The following CNTN5 variants were observed in gnomAD, a reference collection of about 807,000 sequenced individuals.
CNTN5 encodes the protein contactin-5.
A neutral mutation model predicts 129.1 loss-of-function variants in CNTN5; 77 were observed. The ratio of observed to expected loss-of-function variants is 0.60; its 90% CI spans 0.50 to 0.72. The LOEUF is 0.72. Among genes scored for constraint, CNTN5 ranks in the 30% least tolerant of loss-of-function variants. CNTN5 has a pLI of 0.00. For missense variants in CNTN5, 1,478 were observed against 1,328.8 expected (o/e 1.11, Z -1.75); for synonymous variants, 509 against 465.6 (o/e 1.09, Z -1.20).
chr11:99,809,344 T>A (rs565833732), intron 3 of CNTN5, among the ~76,000 whole-genome samples: 1 of 152,256 alleles, frequency 6.6e-6, no homozygotes, highest in African/African-American at 2.4e-5. Context: ...TGAGGTTTAT[T>A]TTTTTTCTCT....
intron 6 of CNTN5, among the ~76,000 whole-genome samples, chr11:99,893,118 C>T (rs1225310867): frequency 6.6e-6 from 1 of 152,034 alleles, no homozygotes; most frequent in Non-Finnish European, 1.5e-5. Context: ...TTAACCACTC[C>T]ACAGGAATTT....
chr11:99,375,032 A>C (rs552347582), intron 2 of CNTN5, among the ~76,000 whole-genome samples: 5 of 152,208 alleles, frequency 3.3e-5, no homozygotes, highest in Non-Finnish European at 5.9e-5. Context: ...GCCGGGCGTG[A>C]TGGTTCACGC....
intron 7 of CNTN5, among the ~76,000 whole-genome samples, chr11:99,931,322 C>A (rs1390108596): frequency 6.6e-6 from 1 of 152,084 alleles, no homozygotes; most frequent in Non-Finnish European, 1.5e-5. Context: ...ACAAAACTTA[C>A]ACATGGAAAA....
chr11:100,044,170 GTATA>G (rs3061791), intron 9 of CNTN5, among the ~76,000 whole-genome samples: 2 of 150,056 alleles, frequency 1.3e-5, no homozygotes, highest in Admixed American at 6.6e-5. Flanking sequence ...TACATATCAT[GTATA>G]TATATATATA....
intron 2 of CNTN5, among the ~76,000 whole-genome samples, chr11:99,512,999 G>A (rs1244620313): frequency 2.6e-5 from 4 of 152,144 alleles, no homozygotes; most frequent in Non-Finnish European, 2.9e-5. Context: ...CAAGAGTGAG[G>A]CCTCTTATGC....
intron 6 of CNTN5, among the ~76,000 whole-genome samples, chr11:99,913,129 A>T (rs1949704633): frequency 6.6e-6 from 1 of 152,028 alleles, no homozygotes; most frequent in Non-Finnish European, 1.5e-5. Flanking sequence ...CTGCACATAC[A>T]TCCACCGAAG....
At chr11:99,510,187 AC>A (rs1463468628) in intron 2 of CNTN5, among the ~76,000 whole-genome samples, 1 of 152,074 alleles carries the variant, frequency 6.6e-6, no homozygotes, top group Non-Finnish European at 1.5e-5. Context: ...TACAGAAAGA[AC>A]AAAATGGGGC....
chr11:99,804,669 G>T (rs1329238289), intron 3 of CNTN5, among the ~76,000 whole-genome samples: 1 of 150,852 alleles, frequency 6.6e-6, no homozygotes, highest in African/African-American at 2.4e-5. Context: ...TAGCTAATAT[G>T]GCAGAAACTC....
chr11:99,173,907 G>T (rs1857647678), intron 1 of CNTN5, among the ~76,000 whole-genome samples: 1 of 152,066 alleles, frequency 6.6e-6, no homozygotes. Context: ...ATAATTTTTT[G>T]ATACACTTAA....
chr11:99,431,314 C>T (rs1943360509), intron 2 of CNTN5, among the ~76,000 whole-genome samples: 1 of 152,110 alleles, frequency 6.6e-6, no homozygotes, highest in Admixed American at 6.6e-5. Context: ...CTGAAGACTG[C>T]TTTCTACCAA....
chr11:100,307,840 T>C (rs753970667), intron 20 of CNTN5, among the ~76,000 whole-genome samples: 1 of 151,744 alleles, frequency 6.6e-6, no homozygotes, highest in Non-Finnish European at 1.5e-5. Flanking sequence ...CAGTACTAAA[T>C]ATTTTATATA....
At chr11:99,202,102 A>G (rs1859239514) in intron 1 of CNTN5, among the ~76,000 whole-genome samples, 2 of 152,206 alleles carry the variant, frequency 1.3e-5, no homozygotes, top group Admixed American at 1.3e-4. Context: ...TTTTATGATC[A>G]GTTCATTTTT....
chr11:100,150,045 G>A (rs1376391041), intron 13 of CNTN5, among the ~76,000 whole-genome samples: 2 of 152,118 alleles, frequency 1.3e-5, no homozygotes, highest in Non-Finnish European at 2.9e-5. Flanking sequence ...TTGGTGTGGA[G>A]AGAAAACAGT....
intron 15 of CNTN5, among the ~76,000 whole-genome samples, chr11:100,216,646 G>A (rs1014124712): frequency 2.6e-5 from 4 of 151,834 alleles, no homozygotes; most frequent in African/African-American, 7.3e-5. Context: ...GGGTGTTATC[G>A]GAAAGGTGAT....
chr11:100,121,796 T>C (rs1946032737), intron 13 of CNTN5, among the ~76,000 whole-genome samples: 1 of 151,396 alleles, frequency 6.6e-6, no homozygotes, highest in African/African-American at 2.4e-5. Flanking sequence ...CAGTCAAAAA[T>C]CAAGTAAAAA....
At position 99,759,388 on chromosome 11, in the gene CNTN5, A is replaced by G. The variant is rs537259617; in HGVS notation, c.56-60156A>G. Among the ~76,000 whole-genome samples, 47 of 152,158 alleles carry G rather than the reference A, an allele frequency of 3.1e-4. No individual in the cohort carries two copies. The South Asian group carries it at 9.1e-3, about 30-fold the overall frequency. Reference sequence around the variant, plus strand: ...CTCATGAGTTCATCATTTAAAACAAATTCAGACATTGCCATTTATCTGCTG... The same window carrying G: ...CTCATGAGTTCATCATTTAAAACAAGTTCAGACATTGCCATTTATCTGCTG... On this transcript the variant is annotated intron_variant, in intron 3 of 24. Transcript: ENST00000524871.
intron 1 of CNTN5, among the ~76,000 whole-genome samples, chr11:99,205,890 T>G (rs1859455646): frequency 6.6e-6 from 1 of 152,174 alleles, no homozygotes; most frequent in African/African-American, 2.4e-5. Context: ...TTGGCCCTTC[T>G]GAAAACATCT....
chr11:99,035,177 G>A (rs1302598914), intron 1 of CNTN5, among the ~76,000 whole-genome samples: 1 of 151,404 alleles, frequency 6.6e-6, no homozygotes, highest in Non-Finnish European at 1.5e-5. Context: ...GCCGAGGAGA[G>A]CTTTACTTCC....
intron 7 of CNTN5, among the ~76,000 whole-genome samples, chr11:99,932,751 A>T (rs916550938): frequency 6.6e-6 from 1 of 152,058 alleles, no homozygotes; most frequent in Non-Finnish European, 1.5e-5. Flanking sequence ...TAACTTAGTG[A>T]TGATGATGAT....
Sources: allele counts gnomAD v4.1 joint callset (sites outside exome capture counted in the v4.1 genomes callset), GRCh38; gene constraint gnomAD v4.1.1; transcripts MANE v1.5; gene names NCBI Gene and HGNC (gene_info 2026-07-23, HGNC 2026-07-21).